RPS6KC1: variants seen among roughly 807,000 people sequenced by gnomAD.
The protein encoded by RPS6KC1 is ribosomal protein S6 kinase C1.
RPS6KC1 carries 54 observed loss-of-function variants against 103.8 expected under a neutral mutation model. The observed-to-expected ratio is 0.52, with a 90% confidence interval of 0.42 to 0.65. The LOEUF (loss-of-function observed/expected upper bound fraction) is 0.65. Among genes scored for constraint, RPS6KC1 ranks in the 30% least tolerant of loss-of-function variants. The probability of loss-of-function intolerance (pLI) is 0.00; values close to 1 mark genes in which losing one functional copy is unlikely to be tolerated. For synonymous variants in RPS6KC1, 439 were observed against 438.7 expected (o/e 1.00, Z -0.01); for missense variants, 1,151 against 1,253.8 (o/e 0.92, Z 1.24).
intron 6 of RPS6KC1, among the ~76,000 whole-genome samples, chr1:213,139,143 A>G (rs2086724630): frequency 1.3e-5 from 2 of 151,134 alleles, no homozygotes; most frequent in Non-Finnish European, 2.9e-5. Context: ...GTTGGCTGCT[A>G]GTATGTCTTC....
At chr1:213,826,614 A>G in the RPS6KC1 span, among the ~76,000 whole-genome samples, 1 of 152,240 alleles carries the variant, frequency 6.6e-6, no homozygotes, top group Non-Finnish European at 1.5e-5. Flanking sequence ...AAAGCAGGGC[A>G]TTAAACCAAG....
the RPS6KC1 span, among the ~76,000 whole-genome samples, chr1:213,379,703 C>T: frequency 4.6e-5 from 7 of 152,178 alleles, no homozygotes; most frequent in Non-Finnish European, 7.3e-5. Flanking sequence ...TGCCTTCCTC[C>T]AAGGGTATCC....
intron 12 of RPS6KC1, among the ~76,000 whole-genome samples, chr1:213,246,866 G>A (rs1020396873): frequency 6.6e-6 from 1 of 151,894 alleles, no homozygotes; most frequent in Non-Finnish European, 1.5e-5. Flanking sequence ...CTCCAGCCTG[G>A]GCAACATAGC....
chr1:213,352,057 T>C, the RPS6KC1 span, among the ~76,000 whole-genome samples: 3 of 152,080 alleles, frequency 2.0e-5, no homozygotes, highest in Non-Finnish European at 4.4e-5. Flanking sequence ...AAAAGGGCTA[T>C]GGAGGAAAGA....
chr1:213,447,755 T>TA, the RPS6KC1 span, among the ~76,000 whole-genome samples: 1 of 152,182 alleles, frequency 6.6e-6, no homozygotes, highest in Non-Finnish European at 1.5e-5. Context: ...TGTTCCTGGG[T>TA]GGTTTATAAC....
intron 8 of RPS6KC1, 87 bp from the exon 9 acceptor site, chr1:213,230,410 C>A: frequency 1.1e-6 from 1 of 940,262 alleles, no homozygotes; most frequent in Non-Finnish European, 1.6e-6. Context: ...AATTTCAGCC[C>A]TGCCCTACTC....
chr1:213,550,539 A>C, the RPS6KC1 span, among the ~76,000 whole-genome samples: 1 of 152,192 alleles, frequency 6.6e-6, no homozygotes, highest in African/African-American at 2.4e-5. Context: ...CTCCACACCC[A>C]AGGCTTATCA....
At chr1:213,167,225 G>GATGAGGGGAAGGGGTAGAAGAGT (rs2091040445) in intron 6 of RPS6KC1, among the ~76,000 whole-genome samples, 1 of 152,142 alleles carries the variant, frequency 6.6e-6, no homozygotes, top group African/African-American at 2.4e-5. Context: ...CCTGGTTAGT[G>GATGAGGGGAAGGGGTAGAAGAGT]ATGAGGGGAA....
intron 8 of RPS6KC1, among the ~76,000 whole-genome samples, chr1:213,220,150 TAATC>T (rs953594159): frequency 1.6e-4 from 21 of 129,030 alleles, no homozygotes; most frequent in African/African-American, 4.4e-4. Context: ...ATGTTTGTAT[TAATC>T]AGGTTTAAAT....
chr1:213,602,092 CTTTCTTTCTTTCTT>C, the RPS6KC1 span, among the ~76,000 whole-genome samples: 94 of 36,426 alleles, frequency 2.6e-3, 10 homozygotes, highest in African/African-American at 0.013. Flanking sequence ...TTCTTTCTTT[CTTTCTTTCTTTCTT>C]TCTTTCTTTC....
intron 8 of RPS6KC1, among the ~76,000 whole-genome samples, chr1:213,195,658 T>C (rs76911609): frequency 6.6e-6 from 1 of 152,194 alleles, no homozygotes; most frequent in African/African-American, 2.4e-5. Flanking sequence ...ATCATACTTA[T>C]ACTGTTGCGT....
chr1:213,115,697 A>T (rs1414824466), intron 4 of RPS6KC1, among the ~76,000 whole-genome samples: 1 of 151,728 alleles, frequency 6.6e-6, no homozygotes, highest in South Asian at 2.1e-4. Flanking sequence ...ATTTAGTGCT[A>T]TAAATTTCCC....
intron 12 of RPS6KC1, among the ~76,000 whole-genome samples, chr1:213,254,963 T>C (rs1222296306): frequency 6.6e-6 from 1 of 151,922 alleles, no homozygotes; most frequent in Non-Finnish European, 1.5e-5. Context: ...GAAAAATGTT[T>C]TGAAAATTGG....
chr1:213,804,043 T>A, the RPS6KC1 span, among the ~76,000 whole-genome samples: 5 of 151,606 alleles, frequency 3.3e-5, no homozygotes, highest in African/African-American at 1.2e-4. Context: ...CACACCAACG[T>A]GGCACATGTA....
chr1:213,732,877 A>G, the RPS6KC1 span, among the ~76,000 whole-genome samples: 1 of 152,124 alleles, frequency 6.6e-6, no homozygotes, highest in Non-Finnish European at 1.5e-5. Context: ...TTTACCCCTC[A>G]CGTATAAGTG....
At chr1:213,205,702 A>G (rs1009906907) in intron 8 of RPS6KC1, among the ~76,000 whole-genome samples, 1 of 151,172 alleles carries the variant, frequency 6.6e-6, no homozygotes. Flanking sequence ...TATATTTTTG[A>G]CATAAATTAT....
At chr1:213,785,856 C>A in the RPS6KC1 span, among the ~76,000 whole-genome samples, 3 of 152,054 alleles carry the variant, frequency 2.0e-5, no homozygotes, top group Admixed American at 2.0e-4. Context: ...AGTAGAAAGC[C>A]ATCATCCCAC....
At chr1:213,361,930 A>G in the RPS6KC1 span, among the ~76,000 whole-genome samples, 2 of 152,180 alleles carry the variant, frequency 1.3e-5, no homozygotes, top group African/African-American at 4.8e-5. Context: ...GGGTGATGGA[A>G]TACCCTCTAC....
rs1051697328 is a variant in RPS6KC1 at position 213,207,003 on chromosome 1, C to T, written c.1045-23494C>T. 4.6e-5 allele frequency among the ~76,000 whole-genome samples: 7 copies of T among 152,066 alleles called. No individual in the cohort carries two copies. In the East Asian group the frequency reaches 5.8e-4, roughly 13 times the overall value. On this transcript the variant is annotated intron_variant, in intron 8 of 14. Transcript: ENST00000366960. ...CTGTGCGCCTGTAATCCCAGCTACT[C>T]GGCAGGCTGAGGTAGGAGAATCACA...
Sources: gnomAD v4.1 joint callset for allele counts (sites outside exome capture counted in the v4.1 genomes callset) on GRCh38, gnomAD v4.1.1 for gene constraint, MANE v1.5 for transcripts, NCBI Gene and HGNC (gene_info 2026-07-23, HGNC 2026-07-21) for gene names.